The following ANKK1 variants were observed in gnomAD, a reference collection of about 807,000 sequenced individuals.
The protein encoded by ANKK1 is ankyrin repeat and protein kinase domain-containing protein 1.
ANKK1 carries 37 observed loss-of-function variants against 37.6 expected under a neutral mutation model. That is an observed-to-expected ratio of 0.98 (90% CI 0.76 to 1.29). The LOEUF (loss-of-function observed/expected upper bound fraction) is 1.29, where lower values mean the gene tolerates loss of function less well. Among genes scored for constraint, ANKK1 ranks in the 50% most tolerant of loss-of-function variants. The pLI is 0.00. For missense variants in ANKK1, 1,019 were observed against 990.6 expected (o/e 1.03, Z -0.39); for synonymous variants, 415 against 418.7 (o/e 0.99, Z 0.11).
chr11:113,394,160 T>C lies in ANKK1; in HGVS notation c.480+385T>C, dbSNP rs1028339640. Among the ~76,000 whole-genome samples, 15 of 152,230 alleles carry C rather than the reference T, an allele frequency of 9.9e-5. No homozygotes were observed. The South Asian group carries it at 3.1e-3, about 32-fold the overall frequency. On this transcript the variant is annotated intron_variant, in intron 2 of 7. Transcript: ENST00000303941. ...GCCCCAGGACCTTTGCAGCTTCTGT[T>C]TCCCCACTCCCCTCTATTTACCTAG...
Position 113,397,345 on chromosome 11 carries a change from G to A in ANKK1, c.957+3G>A, listed in dbSNP as rs1370401618. 2.5e-6 allele frequency: 4 copies of A among 1,609,838 alleles called. No individual in the cohort carries two copies. Among genetic ancestry groups the A allele is most frequent in the African/African-American group, 1.3e-5 (1 of 74,998 alleles). On this transcript the variant is annotated splice_donor_region_variant and intron_variant, in intron 6 of 7. Transcript: ENST00000303941. Reference sequence around the variant, plus strand: ...TGTCGCTGCGCCAGCCCGGGGAGGTGAGTGTGTGGGCTGGGCAGTCCTTAT... The same window carrying A: ...TGTCGCTGCGCCAGCCCGGGGAGGTAAGTGTGTGGGCTGGGCAGTCCTTAT...
At chr11:113,393,806 T>G (rs1256064137) in intron 2 of ANKK1, 31 bp downstream of exon 2, 1 of 1,559,184 alleles carries the variant, frequency 6.4e-7, no homozygotes, top group Admixed American at 1.8e-5. Flanking sequence ...TCCGCTCCCT[T>G]TCACTTGAGG....
rs373849007 is a variant in ANKK1, at chr11:113,399,184, C to T, written c.1215C>T (p.Asp405=). The T allele has an allele frequency of 1.2e-6, 2 of 1,600,930 alleles. No homozygotes were observed. The highest frequency in any genetic ancestry group is 1.3e-5 in the African/African-American group (1 of 74,592). The change falls in exon 8 of 8, where the codon GAC becomes GAT. Residue 405 remains aspartate (D), a synonymous_variant. Transcript: ENST00000303941. The stretch of plus-strand genomic sequence containing the variant: ...CGCCCCTCCTGATCGCCGCCCAGGA[C>T]CAGCAACCCGACCTCTGTGCCCTGC... ...GYTPLLIAAQ[D]QQPDLCALLL... is the part of the protein sequence containing the mutation.
intron 1 of ANKK1, among the ~76,000 whole-genome samples, chr11:113,390,759 A>G (rs1177460193): frequency 1.3e-5 from 2 of 152,080 alleles, no homozygotes; most frequent in Non-Finnish European, 2.9e-5. Context: ...AACAAAGCAA[A>G]AAAAAGGCAT....
intron 7 of ANKK1, among the ~76,000 whole-genome samples, chr11:113,398,397 G>T (rs1359531638): frequency 1.3e-5 from 2 of 151,840 alleles, no homozygotes; most frequent in Non-Finnish European, 2.9e-5. Flanking sequence ...GGCCTGGGTA[G>T]TGATCATTTT....
chr11:113,394,805 A>G, intron 2 of ANKK1, 124 bp from the exon 3 acceptor site: 1 of 1,297,976 alleles, frequency 7.7e-7, no homozygotes, highest in Non-Finnish European at 1.1e-6. Flanking sequence ...GCTAGGAGGG[A>G]GTGTCATAGA....
Position 113,394,964 on chromosome 11 carries a change from G to T in ANKK1, c.516G>T (p.Gln172His). Residue 172 changes from glutamine (Q) to histidine (H), a missense_variant, in exon 3 of 8, where the codon CAG becomes CAT. Gln to His is a conservative substitution (Grantham distance 24). Coordinates refer to ENST00000303941, the MANE Select transcript of ANKK1 (RefSeq NM_178510.2). ...TCGGCCTGTCCAAGTGGATGGAACA[G>T]TCCACCCGGATGCAGTACATCGAGA... ...SDFGLSKWME[Q>H]STRMQYIERS... is the part of the protein sequence containing the mutation. 2 of 1,613,480 alleles carry T rather than the reference G, an allele frequency of 1.2e-6. No individual in the cohort carries two copies. The highest frequency in any genetic ancestry group is 1.7e-6 in the Non-Finnish European group (2 of 1,179,598).
rs1421251879 is a variant in ANKK1 at position 113,399,862 on chromosome 11, C to G, written c.1893C>G (p.His631Gln). Reference sequence around the variant, plus strand: ...GAGCTGTGAACTGGACTCCCCTGCACCTAGCTGCACGCCACGGGGAGGAGG... The same window carrying G: ...GAGCTGTGAACTGGACTCCCCTGCAGCTAGCTGCACGCCACGGGGAGGAGG... ...ALGAVNWTPLHLAARHGEEAV... is the reference protein window; with the variant it reads ...ALGAVNWTPLQLAARHGEEAV... The change falls in exon 8 of 8, where the codon CAC becomes CAG. Residue 631 changes from histidine (H) to glutamine (Q), a missense_variant. His to Gln is a conservative substitution (Grantham distance 24). Transcript: ENST00000303941. 1 of 1,612,574 alleles carries G rather than the reference C, an allele frequency of 6.2e-7. No individual in the cohort carries two copies. The highest frequency in any genetic ancestry group is 8.5e-7 in the Non-Finnish European group (1 of 1,179,602).
chr11:113,397,269 G>C lies in ANKK1; in HGVS notation c.884G>C (p.Arg295Pro), dbSNP rs199747130. 5 of 1,612,002 alleles carry C rather than the reference G, an allele frequency of 3.1e-6. No individual in the cohort carries two copies. Among genetic ancestry groups the C allele is most frequent in the Non-Finnish European group, 4.2e-6 (5 of 1,179,862 alleles). ...ATACTGCTGTCACTGCTGCAGAGTC[G>C]TGTGGCAGTCCCAGAGAGCAAGGCC... ...TDILLSLLQS[R>P]VAVPESKALA... Residue 295 changes from arginine (R) to proline (P), a missense_variant, in exon 6 of 8, where the codon CGT becomes CCT. Transcript: ENST00000303941.
chr11:113,397,895 T>C (rs1950651974), intron 6 of ANKK1, 85 bp from the exon 7 acceptor site: 49 of 1,445,818 alleles, frequency 3.4e-5, no homozygotes, highest in Middle Eastern at 1.7e-4. Context: ...ACCGGGAAGG[T>C]TGGAGAGAGG....
chr11:113,397,177 G>A (rs765178033), intron 5 of ANKK1, 47 bp from the exon 6 acceptor site: 4 of 1,517,230 alleles, frequency 2.6e-6, no homozygotes, highest in Non-Finnish European at 2.7e-6. Context: ...GGTACTGTGG[G>A]CCAGCCCGTT....
rs1450463864 is a variant in ANKK1 at position 113,393,727 on chromosome 11, G to A, written c.432G>A (p.Leu144=). 2.5e-6 allele frequency: 4 copies of A among 1,613,038 alleles called. No individual in the cohort carries two copies. The East Asian group carries it at 6.7e-5, about 27-fold the overall frequency. The part of the protein sequence containing the change: ...LHSIKPPLLH[L]DLKPGNILLD... Reference sequence around the variant, plus strand: ...GCATTAAGCCGCCTCTGCTCCACCTGGACCTCAAGCCGGGCAACATACTCC... The same window carrying A: ...GCATTAAGCCGCCTCTGCTCCACCTAGACCTCAAGCCGGGCAACATACTCC... The change falls in exon 2 of 8, where the codon CTG becomes CTA. Residue 144 remains leucine (L), a synonymous_variant. Transcript: ENST00000303941.
At chr11:113,394,823 T>C (rs1371513004) in intron 2 of ANKK1, 106 bp from the exon 3 acceptor site, 1 of 1,477,450 alleles carries the variant, frequency 6.8e-7, no homozygotes, top group Non-Finnish European at 9.3e-7. Context: ...AGAAAACCAC[T>C]ACTCTACCCT....
At chr11:113,398,348 C>A (rs963645943) in intron 7 of ANKK1, among the ~76,000 whole-genome samples, 16 of 149,870 alleles carry the variant, frequency 1.1e-4, no homozygotes, top group African/African-American at 3.9e-4. Flanking sequence ...TTGCCTTGGG[C>A]ACACCCTAGA....
chr11:113,397,234 CGA>C lies in ANKK1; in HGVS notation c.852_853del (p.Glu284AspfsTer37), dbSNP rs750653996. ...KRPCFLDITI[E>X]TDILLSLLQS... is the part of the protein sequence containing the mutation. ...CCACTCATGGAGCAGACATTACCATCGAGACAGACATACTGCTGTCACTGCTG... is the reference window on the plus strand; with the variant it reads ...CCACTCATGGAGCAGACATTACCATCGACAGACATACTGCTGTCACTGCTG... On this transcript the variant is annotated frameshift_variant, in exon 6 of 8. Transcript: ENST00000303941. LOFTEE classifies it high-confidence loss of function. 5.6e-6 allele frequency: 9 copies of C among 1,608,182 alleles called. No homozygotes were observed.
Position 113,396,199 on chromosome 11 carries a change from C to A in ANKK1, c.815C>A (p.Pro272His). The change falls in exon 5 of 8, where the codon CCC becomes CAC. Residue 272 changes from proline to histidine, a missense_variant. Physicochemically the swap from Pro to His is moderately conservative, Grantham distance 77 (BLOSUM62 -2). Coordinates refer to ENST00000303941, the MANE Select transcript of ANKK1 (RefSeq NM_178510.2). ...ATGAAACGCTGCTGGGACCAGGACC[C>A]CAAGAAGAGGCCATGCTTTCTAGGT... Reference protein sequence around the residue: ...DLMKRCWDQDPKKRPCFLDIT... With the variant: ...DLMKRCWDQDHKKRPCFLDIT... 1 of 1,613,936 alleles carries A rather than the reference C, an allele frequency of 6.2e-7. No homozygotes were observed. The highest frequency in any genetic ancestry group is 1.1e-5 in the South Asian group (1 of 91,068).
At chr11:113,397,002 C>T (rs1950644037) in intron 5 of ANKK1, among the ~76,000 whole-genome samples, 1 of 152,220 alleles carries the variant, frequency 6.6e-6, no homozygotes, top group Admixed American at 6.5e-5. Flanking sequence ...AACTTGCCCC[C>T]TCATTCTGTG....
chr11:113,395,223 A>T, intron 3 of ANKK1, 136 bp from the exon 4 acceptor site: 1 of 1,484,064 alleles, frequency 6.7e-7, no homozygotes, highest in Non-Finnish European at 9.2e-7. Context: ...GGAGAGGCAG[A>T]GGGCTGGGGA....
Position 113,393,534 on chromosome 11 carries a change from TTCAGCACA to T in ANKK1, c.242_249del (p.Gln81ArgfsTer43). 6.2e-7 allele frequency: 1 copy of T among 1,613,996 alleles called. No homozygotes were observed. The highest frequency in any genetic ancestry group is 8.5e-7 in the Non-Finnish European group (1 of 1,179,900). ...GCTGCCAAAATGAAGAAGATCAAGTTTCAGCACATCGTGTCTATCTACGGGGTGTGCAA... is the reference window on the plus strand; with the variant it reads ...GCTGCCAAAATGAAGAAGATCAAGTTTCGTGTCTATCTACGGGGTGTGCAA... On this transcript the variant is annotated frameshift_variant, in exon 2 of 8. Coordinates refer to ENST00000303941, the MANE Select transcript of ANKK1 (RefSeq NM_178510.2). LOFTEE classifies it high-confidence loss of function.
Sources: allele counts gnomAD v4.1 joint callset (sites outside exome capture counted in the v4.1 genomes callset), GRCh38; gene constraint gnomAD v4.1.1; transcripts MANE v1.5; gene names NCBI Gene and HGNC (gene_info 2026-07-23, HGNC 2026-07-21).